ECT2L: variants seen among roughly 807,000 people sequenced by gnomAD.
ECT2L encodes epithelial cell transforming 2 like.
A neutral mutation model predicts 122.8 loss-of-function variants in ECT2L; 126 were observed. That is an observed-to-expected ratio of 1.03 (90% CI 0.89 to 1.19). ECT2L has a LOEUF of 1.19. Ranked by LOEUF, ECT2L falls within the 50% of genes most tolerant of loss-of-function variation. The pLI is 0.00. For missense variants in ECT2L, 1,012 were observed against 1,064.1 expected, an observed-to-expected ratio of 0.95 and a Z score of 0.68; for synonymous variants, 385 against 381.8, an observed-to-expected ratio of 1.01 and a Z score of -0.10.
chr6:138,833,711 A>T (rs1776726896), intron 4 of ECT2L, among the ~76,000 whole-genome samples: 1 of 152,140 alleles, frequency 6.6e-6, no homozygotes, highest in Non-Finnish European at 1.5e-5. Flanking sequence ...CTGAGACAGG[A>T]GAATCGCTTG....
chr6:138,883,849 A>C lies in ECT2L; in HGVS notation c.2028+978A>C, dbSNP rs372798630. On this transcript the variant is annotated intron_variant, in intron 16 of 21. Transcript: ENST00000541398. Reference sequence around the variant, plus strand: ...TGCACACAAGTAAGTACTTAGCTTAAATGTTAGTTATTTGGTTGTGGGGTT... The same window carrying C: ...TGCACACAAGTAAGTACTTAGCTTACATGTTAGTTATTTGGTTGTGGGGTT... 3.3e-5 allele frequency among the ~76,000 whole-genome samples: 5 copies of C among 152,242 alleles called. 1 individual carries two copies. The highest frequency in any genetic ancestry group is 3.9e-4 in the East Asian group (2 of 5,184).
intron 20 of ECT2L, among the ~76,000 whole-genome samples, chr6:138,898,827 A>G (rs1562499509): frequency 6.6e-6 from 1 of 152,192 alleles, no homozygotes; most frequent in African/African-American, 2.4e-5. Flanking sequence ...CCCCCAGTAG[A>G]TGGCTGAAAC....
At position 138,854,152 on chromosome 6, in the gene ECT2L, C is replaced by A; in HGVS notation, c.1196C>A (p.Ser399Ter). ...HVDFFVPLGA[S>*]EAGIEVLSQL... ...GACTTCTTCGTGCCCCTTGGAGCAT[C>A]AGGTTAGCTCAGAACACCTTATAGA... Residue 399 changes from serine (S) to a stop codon, truncating the protein, a stop_gained and splice_region_variant, in exon 10 of 22, where the codon TCA becomes TAA. Transcript: ENST00000541398. LOFTEE classifies it high-confidence loss of function. The A allele has an allele frequency of 6.2e-7, 1 of 1,612,756 alleles. No individual in the cohort carries two copies. The highest frequency in any genetic ancestry group is 8.5e-7 in the Non-Finnish European group (1 of 1,179,536).
chr6:138,868,161 G>A lies in ECT2L; in HGVS notation c.1533G>A (p.Ala511=), dbSNP rs763552266. Residue 511 remains alanine (A), a synonymous_variant, in exon 13 of 22, where the codon GCG becomes GCA. Transcript: ENST00000541398. ...ACATTCTAAACAACCAAGATACTGC[G>A]CAAGCTCTGGCAGATGGATTGATGG... ...MTNILNNQDT[A]QALADGLMEL... 29 of 1,613,626 alleles carry A rather than the reference G, an allele frequency of 1.8e-5. No homozygotes were observed. The highest frequency in any genetic ancestry group is 1.6e-4 in the East Asian group (7 of 44,874).
intron 1 of ECT2L, among the ~76,000 whole-genome samples, chr6:138,808,987 A>G (rs542197115): frequency 6.6e-6 from 1 of 152,148 alleles, no homozygotes; most frequent in African/African-American, 2.4e-5. Flanking sequence ...TTGGCCTCCC[A>G]AAGTGTTGGG....
intron 5 of ECT2L, among the ~76,000 whole-genome samples, chr6:138,840,118 C>A (rs1306492588): frequency 6.6e-6 from 1 of 152,038 alleles, no homozygotes; most frequent in African/African-American, 2.4e-5. Flanking sequence ...TTTAAAAATT[C>A]ACGAGGAAAC....
chr6:138,881,254 A>C, intron 15 of ECT2L, 83 bp downstream of exon 15: 1 of 1,349,808 alleles, frequency 7.4e-7, no homozygotes, highest in Non-Finnish European at 1.0e-6. Flanking sequence ...AGCAGTATGG[A>C]GGTGCAATGA....
At chr6:138,875,887 A>T (rs566624976) in intron 13 of ECT2L, among the ~76,000 whole-genome samples, 10 of 152,258 alleles carry the variant, frequency 6.6e-5, no homozygotes, top group African/African-American at 2.4e-4. Flanking sequence ...TTGGGAGGCC[A>T]AGGCGGGCAG....
intron 1 of ECT2L, among the ~76,000 whole-genome samples, chr6:138,800,000 A>G (rs985227835): frequency 2.0e-5 from 3 of 152,200 alleles, no homozygotes; most frequent in African/African-American, 4.8e-5. Context: ...GATGTTAAAT[A>G]CAACATTTAT....
chr6:138,810,415 G>C (rs945604404), intron 1 of ECT2L, among the ~76,000 whole-genome samples: 1 of 152,226 alleles, frequency 6.6e-6, no homozygotes, highest in Non-Finnish European at 1.5e-5. Context: ...TCTCAGGGAA[G>C]AAAGACGTAG....
Position 138,889,010 on chromosome 6 carries a change from A to G in ECT2L, c.2393A>G (p.Glu798Gly), listed in dbSNP as rs768105106. The G allele has an allele frequency of 1.9e-6, 3 of 1,549,688 alleles. No individual in the cohort carries two copies. Among genetic ancestry groups the G allele is most frequent in the East Asian group, 4.7e-5 (2 of 42,606 alleles). Reference protein sequence around the residue: ...QDVAQLHCCDEEISFSLRLYE... With the variant: ...QDVAQLHCCDGEISFSLRLYE... ...GTAGCCCAACTTCATTGCTGTGATGAAGAAATAAGTTTCTCTTTAAGGTAA... is the reference window on the plus strand; with the variant it reads ...GTAGCCCAACTTCATTGCTGTGATGGAGAAATAAGTTTCTCTTTAAGGTAA... Residue 798 changes from glutamate to glycine, a missense_variant, in exon 20 of 22, where the codon GAA (glutamate) becomes GGA (glycine). Physicochemically the swap from Glu to Gly is moderately conservative, Grantham distance 98. Transcript: ENST00000541398.
chr6:138,822,323 G>A (rs1776293865), intron 4 of ECT2L, among the ~76,000 whole-genome samples: 1 of 152,166 alleles, frequency 6.6e-6, no homozygotes, highest in Non-Finnish European at 1.5e-5. Context: ...GGAGGCTGAG[G>A]TCGGCGGATC....
intron 20 of ECT2L, 48 bp downstream of exon 20, chr6:138,889,079 G>A: frequency 9.4e-7 from 1 of 1,066,298 alleles, no homozygotes; most frequent in Non-Finnish European, 1.3e-6. Context: ...TTCCAAGCAG[G>A]TGACTGTCTT....
intron 7 of ECT2L, among the ~76,000 whole-genome samples, chr6:138,845,454 G>A (rs1777186924): frequency 6.6e-6 from 1 of 152,094 alleles, no homozygotes; most frequent in Non-Finnish European, 1.5e-5. Context: ...GTATTGGCCA[G>A]GCTGGTCTCA....
Position 138,885,549 on chromosome 6 carries a change from A to AG in ECT2L, c.2072_2073insG (p.His691GlnfsTer2). On this transcript the variant is annotated frameshift_variant, in exon 17 of 22. Coordinates refer to ENST00000541398, the MANE Select transcript of ECT2L (RefSeq NM_001077706.3). LOFTEE classifies it high-confidence loss of function. The stretch of plus-strand genomic sequence containing the variant: ...GCATTCCGAACTTTCCTGAAGAGGC[A>AG]TGATAAGACCATTGTTACCAAAATG... The AG allele has an allele frequency of 1.2e-6, 2 of 1,614,164 alleles. No homozygotes were observed. The highest frequency in any genetic ancestry group is 1.7e-6 in the Non-Finnish European group (2 of 1,180,000).
At chr6:138,901,264 C>A in intron 21 of ECT2L, 144 bp downstream of exon 21, 1 of 863,938 alleles carries the variant, frequency 1.2e-6, no homozygotes, top group Non-Finnish European at 1.7e-6. Context: ...TTTCATTAAA[C>A]AATGTAAACT....
chr6:138,857,048 G>A (rs116079688), intron 10 of ECT2L, among the ~76,000 whole-genome samples: 2,516 of 151,822 alleles, frequency 0.017, 62 homozygotes, highest in African/African-American at 0.058. Flanking sequence ...TCTTCCCTTC[G>A]CCCTGATGGA....
chr6:138,893,917 C>G (rs1779124417), intron 20 of ECT2L, among the ~76,000 whole-genome samples: 1 of 152,174 alleles, frequency 6.6e-6, no homozygotes, highest in East Asian at 1.9e-4. Context: ...AGCTTTGATT[C>G]TCTGTAGCAG....
chr6:138,800,773 C>T (rs1193694205), intron 1 of ECT2L, among the ~76,000 whole-genome samples: 2 of 152,116 alleles, frequency 1.3e-5, no homozygotes, highest in African/African-American at 4.8e-5. Flanking sequence ...AGATGCATGT[C>T]TCTGTTTGTG....
Sources: allele counts gnomAD v4.1 joint callset (sites outside exome capture counted in the v4.1 genomes callset), GRCh38; gene constraint gnomAD v4.1.1; transcripts MANE v1.5; gene names NCBI Gene and HGNC (gene_info 2026-07-23, HGNC 2026-07-21).